The following BMAL1 variants were observed in gnomAD, a reference collection of about 807,000 sequenced individuals.
BMAL1 encodes basic helix-loop-helix ARNT-like protein 1.
chr11:13,327,042 G>A, the BMAL1 span, among the ~76,000 whole-genome samples: 1 of 151,714 alleles, frequency 6.6e-6, no homozygotes, highest in African/African-American at 2.4e-5. Context: ...GGATGGTCTC[G>A]ATCTCCTGAC....
chr11:13,309,302 G>A, the BMAL1 span, among the ~76,000 whole-genome samples: 2 of 152,194 alleles, frequency 1.3e-5, no homozygotes, highest in Middle Eastern at 6.8e-3. Flanking sequence ...GTCTATCGGG[G>A]GAAACCATGC....
chr11:13,384,321 A>G, the BMAL1 span, among the ~76,000 whole-genome samples: 1 of 152,236 alleles, frequency 6.6e-6, no homozygotes, highest in African/African-American at 2.4e-5. Context: ...TTGATGCTCT[A>G]TAATGAAATG....
chr11:13,353,171 T>C, the BMAL1 span: 8 of 152,368 alleles, frequency 5.3e-5, no homozygotes, highest in South Asian at 1.7e-3. Context: ...GAAAGGATAT[T>C]TTCTGCTTTC....
the BMAL1 span, among the ~76,000 whole-genome samples, chr11:13,324,321 C>T: frequency 6.6e-6 from 1 of 152,340 alleles, no homozygotes; most frequent in South Asian, 2.1e-4. Context: ...CCCTCCTGCT[C>T]ATCTTCTCTG....
At chr11:13,358,476 G>A in the BMAL1 span, 1 of 1,610,846 alleles carries the variant, frequency 6.2e-7, no homozygotes, top group Non-Finnish European at 8.5e-7. Context: ...GGGATAAAAT[G>A]AACAGTTTTA....
At chr11:13,302,907 A>G in the BMAL1 span, among the ~76,000 whole-genome samples, 1 of 152,162 alleles carries the variant, frequency 6.6e-6, no homozygotes, top group African/African-American at 2.4e-5. Context: ...ATATCCATTC[A>G]GCCTCTTTCT....
chr11:13,366,394 C>A, the BMAL1 span, among the ~76,000 whole-genome samples: 15 of 152,272 alleles, frequency 9.9e-5, no homozygotes, highest in South Asian at 2.1e-4. Flanking sequence ...TGAGGTCTTA[C>A]AGGGGAATTC....
chr11:13,358,327 C>T, the BMAL1 span: 1 of 1,245,582 alleles, frequency 8.0e-7, no homozygotes, highest in Non-Finnish European at 1.1e-6. Flanking sequence ...TCTAAATTTG[C>T]CTTGTCAGAT....
chr11:13,317,628 TC>T, the BMAL1 span, among the ~76,000 whole-genome samples: 1 of 152,266 alleles, frequency 6.6e-6, no homozygotes, highest in Admixed American at 6.5e-5. Context: ...ATTCTCCCTC[TC>T]CAAGTTTTGT....
At chr11:13,360,338 C>T in the BMAL1 span, 1 of 1,608,648 alleles carries the variant, frequency 6.2e-7, no homozygotes, top group South Asian at 1.1e-5. Context: ...CTCTTTTTGC[C>T]CCTAAGGTGC....
chr11:13,287,439 A>C, the BMAL1 span, among the ~76,000 whole-genome samples: 1 of 152,198 alleles, frequency 6.6e-6, no homozygotes, highest in African/African-American at 2.4e-5. Flanking sequence ...GCCTTCTTGG[A>C]TGCTGGAATA....
At chr11:13,357,142 T>A in the BMAL1 span, 6 of 1,611,514 alleles carry the variant, frequency 3.7e-6, no homozygotes, top group Non-Finnish European at 4.2e-6. The surrounding 1 kb of genome is among the most constrained non-coding windows in gnomAD (Gnocchi z 4.8). Context: ...TAGTTCTGGT[T>A]GCTTAGAGAG....
chr11:13,359,087 C>A, the BMAL1 span, among the ~76,000 whole-genome samples: 1 of 152,236 alleles, frequency 6.6e-6, no homozygotes, highest in Non-Finnish European at 1.5e-5. Flanking sequence ...ATATTTTCAT[C>A]TTCCTGGAAT....
At chr11:13,346,127 C>A in the BMAL1 span, among the ~76,000 whole-genome samples, 1 of 152,198 alleles carries the variant, frequency 6.6e-6, no homozygotes. Context: ...AAAGGAGGAG[C>A]CTCTATCCCA....
the BMAL1 span, chr11:13,375,815 G>C: frequency 6.7e-7 from 1 of 1,486,904 alleles, no homozygotes; most frequent in Non-Finnish European, 8.9e-7. Flanking sequence ...AGATGCCTAG[G>C]GTTCCTCATC....
chr11:13,373,032 A>T, the BMAL1 span, among the ~76,000 whole-genome samples: 2 of 152,352 alleles, frequency 1.3e-5, no homozygotes, highest in South Asian at 4.1e-4. Flanking sequence ...TTTTGAATCT[A>T]GGACTTGGAA....
At chr11:13,373,475 T>C in the BMAL1 span, among the ~76,000 whole-genome samples, 1 of 152,140 alleles carries the variant, frequency 6.6e-6, no homozygotes, top group Non-Finnish European at 1.5e-5. Context: ...GCACTGAGGT[T>C]TAGATTTATA....
At chr11:13,340,103 G>T in the BMAL1 span, among the ~76,000 whole-genome samples, 1 of 152,208 alleles carries the variant, frequency 6.6e-6, no homozygotes, top group Non-Finnish European at 1.5e-5. Flanking sequence ...TTCTTTCACT[G>T]AAGAAATTAC....
the BMAL1 span, chr11:13,372,104 G>A: frequency 2.0e-4 from 327 of 1,601,604 alleles, 1 homozygote; most frequent in African/African-American, 3.4e-3. Context: ...ACCATCGGCC[G>A]TGTACACCTC....
Sources: allele counts gnomAD v4.1 joint callset (sites outside exome capture counted in the v4.1 genomes callset), GRCh38; gene constraint gnomAD v4.1.1; non-coding constraint Gnocchi (gnomAD v3.1); transcripts MANE v1.5; gene names NCBI Gene and HGNC (gene_info 2026-07-23, HGNC 2026-07-21).